Variants in GRIN2A observed in about 807,000 individuals in gnomAD.
GRIN2A encodes glutamate ionotropic receptor NMDA type subunit 2A, also known as glutamate receptor ionotropic, NMDA 2A.
Under a neutral mutation model 113.4 loss-of-function variants are expected in GRIN2A, and 22 were observed. The ratio of observed to expected loss-of-function variants is 0.19; its 90% CI spans 0.14 to 0.28. The LOEUF (loss-of-function observed/expected upper bound fraction) is 0.28, where lower values mean the gene tolerates loss of function less well. GRIN2A is among the 10% of genes least tolerant of loss of function. The pLI, the probability that GRIN2A is intolerant of heterozygous loss-of-function variation, is 1.00. For missense variants in GRIN2A, 1,502 were observed against 1,887.0 expected (o/e 0.80, Z 3.78); for synonymous variants, 827 against 738.4 (o/e 1.12, Z -1.94).
At chr16:9,973,663 A>C (rs2045717640) in intron 2 of GRIN2A, among the ~76,000 whole-genome samples, 2 of 152,212 alleles carry the variant, frequency 1.3e-5, no homozygotes, top group African/African-American at 4.8e-5. Context: ...GAAAATCTCA[A>C]AATTAGCAAG....
intron 2 of GRIN2A, chr16:10,112,680 G>A: frequency 4.0e-6 from 3 of 755,544 alleles, no homozygotes; most frequent in South Asian, 2.7e-5. Flanking sequence ...CAGCGAGGGG[G>A]AAAAGGTGAA....
At chr16:10,136,783 A>G (rs2049200792) in intron 2 of GRIN2A, among the ~76,000 whole-genome samples, 3 of 152,198 alleles carry the variant, frequency 2.0e-5, no homozygotes, top group Admixed American at 1.3e-4. Flanking sequence ...GACTGTGCTA[A>G]GCACTTAACA....
intron 2 of GRIN2A, among the ~76,000 whole-genome samples, chr16:9,990,559 GCGCGCACA>G (rs1409193173): frequency 9.4e-4 from 89 of 94,636 alleles, no homozygotes; most frequent in South Asian, 2.1e-3. Flanking sequence ...GCGCGCGCGC[GCGCGCACA>G]CACACACACA....
intron 11 of GRIN2A, among the ~76,000 whole-genome samples, chr16:9,786,187 A>T (rs910083582): frequency 6.6e-6 from 1 of 152,224 alleles, no homozygotes; most frequent in Non-Finnish European, 1.5e-5. Flanking sequence ...TCTGTGGGGA[A>T]CAAGCAATTC....
At chr16:10,024,562 TA>T (rs2046785349) in intron 2 of GRIN2A, among the ~76,000 whole-genome samples, 2 of 152,224 alleles carry the variant, frequency 1.3e-5, no homozygotes, top group Non-Finnish European at 2.9e-5. Context: ...CAGTCTCAGC[TA>T]AACTATGTCA....
chr16:10,103,258 G>A (rs1035616697), intron 2 of GRIN2A, among the ~76,000 whole-genome samples: 7 of 152,138 alleles, frequency 4.6e-5, no homozygotes, highest in East Asian at 3.9e-4. Context: ...CAGCTAAGCT[G>A]ATGTATCACA....
chr16:9,837,238 G>T (rs2042596632), intron 7 of GRIN2A, among the ~76,000 whole-genome samples: 1 of 152,180 alleles, frequency 6.6e-6, no homozygotes, highest in African/African-American at 2.4e-5. Context: ...ATGTAATTTA[G>T]TGACTAGGAA....
At position 9,768,894 on chromosome 16, in the gene GRIN2A, C is replaced by G. The variant is rs1447076076; in HGVS notation, c.2552G>C (p.Gly851Ala). The change falls in exon 12 of 13, where the codon GGC becomes GCC. Residue 851 changes from glycine to alanine, a missense_variant. By Grantham distance (60) the Gly-to-Ala change is moderately conservative. This residue lies in a region of GRIN2A where 832 missense variants were observed against 789.7 expected (regional missense o/e 1.05). Coordinates refer to ENST00000330684, the MANE Select transcript of GRIN2A (RefSeq NM_001134407.3). ...FYWKLRFCFT[G>A]VCSDRPGLLF... is the part of the protein sequence containing the mutation. The stretch of plus-strand genomic sequence containing the variant: ...CAACCCAGGCCGGTCGGAGCACACG[C>G]CCGTGAAACAGAAGCGCAGCTTCCA... 1.9e-6 allele frequency: 3 copies of G among 1,614,080 alleles called. No homozygotes were observed. Among genetic ancestry groups the G allele is most frequent in the Non-Finnish European group, 2.5e-6 (3 of 1,180,022 alleles).
chr16:9,942,957 G>C (rs2044922541), intron 2 of GRIN2A, among the ~76,000 whole-genome samples: 1 of 152,168 alleles, frequency 6.6e-6, no homozygotes, highest in African/African-American at 2.4e-5. Flanking sequence ...GCAATGAAGA[G>C]GCTCACATTT....
At chr16:9,801,227 T>C (rs565394278) in intron 10 of GRIN2A, among the ~76,000 whole-genome samples, 52 of 152,334 alleles carry the variant, frequency 3.4e-4, no homozygotes, top group African/African-American at 1.2e-3. Context: ...GGTCTCTTGA[T>C]AAAGCTGAGA....
At chr16:10,038,156 G>C (rs902633207) in intron 2 of GRIN2A, among the ~76,000 whole-genome samples, 20 of 152,256 alleles carry the variant, frequency 1.3e-4, no homozygotes, top group African/African-American at 4.3e-4. Context: ...GTCTGGTGAC[G>C]GTCAGCTTCC....
chr16:10,111,773 T>G (rs1359312122), intron 2 of GRIN2A: 3 of 1,484,420 alleles, frequency 2.0e-6, no homozygotes, highest in Non-Finnish European at 1.9e-6. Flanking sequence ...GGTGATGTGC[T>G]GGAGGCCAAG....
At chr16:9,984,804 A>C (rs1014692583) in intron 2 of GRIN2A, among the ~76,000 whole-genome samples, 1 of 152,176 alleles carries the variant, frequency 6.6e-6, no homozygotes, top group Non-Finnish European at 1.5e-5. Flanking sequence ...ATCCTGTCTC[A>C]TAATTTTTTG....
chr16:10,035,733 T>C (rs1452932540), intron 2 of GRIN2A, among the ~76,000 whole-genome samples: 1 of 151,628 alleles, frequency 6.6e-6, no homozygotes, highest in Non-Finnish European at 1.5e-5. Context: ...TTTTTTTTTT[T>C]TTTTTTTTGA....
At position 9,849,859 on chromosome 16, in the gene GRIN2A, C is replaced by T. The variant is rs1351978664; in HGVS notation, c.1225G>A (p.Val409Ile). 6.2e-7 allele frequency: 1 copy of T among 1,613,970 alleles called. No homozygotes were observed. Among genetic ancestry groups the T allele is most frequent in the Non-Finnish European group, 8.5e-7 (1 of 1,179,908 alleles). Residue 409 changes from valine to isoleucine, a missense_variant, in exon 5 of 13, where the codon GTC (valine) becomes ATC (isoleucine). Physicochemically the swap from Val to Ile is conservative, Grantham distance 29. Coordinates refer to ENST00000330684, the MANE Select transcript of GRIN2A (RefSeq NM_001134407.3). ...CEPDDNHLSI[V>I]TLEEAPFVIV... ...ACGAATGGGGCCTCCTCCAGGGTGA[C>T]GATGCTGAGATGGTTGTCATCCGGC...
At chr16:10,008,369 A>G (rs1391608891) in intron 2 of GRIN2A, among the ~76,000 whole-genome samples, 1 of 152,220 alleles carries the variant, frequency 6.6e-6, no homozygotes, top group Non-Finnish European at 1.5e-5. Flanking sequence ...CAAAGAATGG[A>G]CTGCTGTTGA....
At chr16:10,131,415 G>A (rs1216805063) in intron 2 of GRIN2A, among the ~76,000 whole-genome samples, 1 of 151,514 alleles carries the variant, frequency 6.6e-6, no homozygotes, top group African/African-American at 2.4e-5. Context: ...AAGCTAAAGG[G>A]TCCCTCCTAG....
At chr16:10,000,091 C>T (rs1298000609) in intron 2 of GRIN2A, among the ~76,000 whole-genome samples, 2 of 152,094 alleles carry the variant, frequency 1.3e-5, no homozygotes, top group African/African-American at 2.4e-5. Context: ...GACTCTCTCC[C>T]TCCTGCCTCC....
chr16:9,796,249 C>CT (rs528258804), intron 11 of GRIN2A, among the ~76,000 whole-genome samples: 165 of 152,264 alleles, frequency 1.1e-3, no homozygotes, highest in Non-Finnish European at 2.1e-3. Context: ...TGAAATACAT[C>CT]TTAACATCAA....
Sources: allele counts gnomAD v4.1 joint callset (sites outside exome capture counted in the v4.1 genomes callset), GRCh38; gene constraint gnomAD v4.1.1; regional missense constraint gnomAD v4.1.1; transcripts MANE v1.5; gene names NCBI Gene and HGNC (gene_info 2026-07-23, HGNC 2026-07-21).